Variants in ZNF600 observed in about 807,000 individuals in gnomAD.
ZNF600 encodes the protein zinc finger protein 600.
In ZNF600, 4 loss-of-function variants were observed where a neutral mutation model predicts 7.3. The observed-to-expected ratio is 0.55, with a 90% confidence interval of 0.27 to 1.25. ZNF600 has a LOEUF of 1.25. Ranked by LOEUF, ZNF600 falls within the 50% of genes most tolerant of loss-of-function variation. The pLI, the probability that ZNF600 is intolerant of heterozygous loss-of-function variation, is 0.12. For synonymous variants in ZNF600, 290 were observed against 308.9 expected, an observed-to-expected ratio of 0.94 and a Z score of 0.64; for missense variants, 911 against 922.1, an observed-to-expected ratio of 0.99 and a Z score of 0.16.
exon 4 of ZNF600, chr19:52,766,863 C>G (rs2062585315): frequency 1.2e-6 from 2 of 1,614,186 alleles, no homozygotes; most frequent in African/African-American, 2.7e-5. Flanking sequence ...AGGTTTCTCT[C>G]CAGTATGAAT....
chr19:52,799,310 G>T, the ZNF600 span: 1 of 440,090 alleles, frequency 2.3e-6, no homozygotes, highest in Non-Finnish European at 4.3e-6. Flanking sequence ...GTTTTGCCAG[G>T]TATGAATTAT....
exon 4 of ZNF600, chr19:52,767,260 C>T (rs146646314): frequency 4.0e-5 from 64 of 1,614,036 alleles, no homozygotes; most frequent in Non-Finnish European, 5.2e-5. Flanking sequence ...TTGCCACTCT[C>T]ATTACATTGG....
At chr19:52,800,204 T>C in the ZNF600 span, 1 of 1,613,658 alleles carries the variant, frequency 6.2e-7, no homozygotes, top group Non-Finnish European at 8.5e-7. Flanking sequence ...ACGGTTTCTC[T>C]GCAGTATGAA....
chr19:52,813,473 C>T, the ZNF600 span, among the ~76,000 whole-genome samples: 3 of 145,308 alleles, frequency 2.1e-5, no homozygotes, highest in East Asian at 2.0e-4. Flanking sequence ...CCAGGGTAGG[C>T]GGGCGGGGGT....
exon 4 of ZNF600, chr19:52,765,957 T>C: frequency 6.2e-7 from 1 of 1,614,238 alleles, no homozygotes; most frequent in Non-Finnish European, 8.5e-7. Context: ...AATTCTGGTA[T>C]GTCTTGCCAG....
chr19:52,822,729 CAG>C, the ZNF600 span, among the ~76,000 whole-genome samples: 1 of 152,136 alleles, frequency 6.6e-6, no homozygotes, highest in Non-Finnish European at 1.5e-5. Flanking sequence ...TAGCTTCATG[CAG>C]AGAGAGGGGA....
At chr19:52,810,240 A>G in the ZNF600 span, 4 of 1,203,006 alleles carry the variant, frequency 3.3e-6, no homozygotes, top group Non-Finnish European at 3.7e-6. Flanking sequence ...GAGGAATATG[A>G]GTCTACCTCC....
the ZNF600 span, among the ~76,000 whole-genome samples, chr19:52,820,549 G>A: frequency 0.053 from 7,694 of 144,040 alleles, 182 homozygotes; most frequent in African/African-American, 0.1. Flanking sequence ...CCTGGACCCA[G>A]TCTGGCACCC....
chr19:52,809,156 C>T, the ZNF600 span, among the ~76,000 whole-genome samples: 10 of 152,188 alleles, frequency 6.6e-5, no homozygotes, highest in Non-Finnish European at 1.3e-4. Flanking sequence ...CAGGGGGAAT[C>T]TTGTCAGATC....
At chr19:52,778,367 G>C (rs1215693610) in intron 2 of ZNF600, among the ~76,000 whole-genome samples, 1 of 151,664 alleles carries the variant, frequency 6.6e-6, no homozygotes, top group Non-Finnish European at 1.5e-5. Flanking sequence ...TGATCTACTA[G>C]TGTGGCTTCA....
chr19:52,818,662 G>A, the ZNF600 span, among the ~76,000 whole-genome samples: 1 of 151,946 alleles, frequency 6.6e-6, no homozygotes, highest in Non-Finnish European at 1.5e-5. Flanking sequence ...ACCCAAGATC[G>A]CGCCACTCCA....
chr19:52,816,966 CCT>C, the ZNF600 span, among the ~76,000 whole-genome samples: 1 of 151,964 alleles, frequency 6.6e-6, no homozygotes, highest in African/African-American at 2.4e-5. Flanking sequence ...ACCAAAAACA[CCT>C]GTTTCACAAG....
chr19:52,773,868 C>G (rs2062650589), intron 3 of ZNF600, among the ~76,000 whole-genome samples: 4 of 149,414 alleles, frequency 2.7e-5, no homozygotes, highest in Admixed American at 2.0e-4. Context: ...AATACTCCAT[C>G]TAAAAAAAAA....
the ZNF600 span, among the ~76,000 whole-genome samples, chr19:52,796,772 C>T: frequency 2.6e-5 from 4 of 152,292 alleles, no homozygotes; most frequent in South Asian, 4.1e-4. Flanking sequence ...CTGGTCTCAT[C>T]GCAAATTTGA....
At chr19:52,833,360 G>C in the ZNF600 span, among the ~76,000 whole-genome samples, 1 of 152,148 alleles carries the variant, frequency 6.6e-6, no homozygotes, top group East Asian at 1.9e-4. Flanking sequence ...CTCTTCTCAA[G>C]TTCATGTCAC....
exon 1 of ZNF600, chr19:52,786,669 AG>A: frequency 9.1e-6 from 2 of 219,594 alleles, no homozygotes; most frequent in Non-Finnish European, 2.1e-5. Flanking sequence ...CCCACGTCCC[AG>A]GGGCAGAAGC....
the ZNF600 span, chr19:52,800,772 T>A: frequency 6.2e-7 from 1 of 1,614,174 alleles, no homozygotes; most frequent in Non-Finnish European, 8.5e-7. Context: ...GCCACATTCA[T>A]TACACTTGTA....
At chr19:52,772,177 C>G (rs2062635301) in intron 3 of ZNF600, among the ~76,000 whole-genome samples, 2 of 151,934 alleles carry the variant, frequency 1.3e-5, no homozygotes, top group South Asian at 4.2e-4. Flanking sequence ...GCCAGACTTG[C>G]ACCAGGCATA....
At chr19:52,799,193 C>T in the ZNF600 span, 2 of 415,412 alleles carry the variant, frequency 4.8e-6, no homozygotes, top group Non-Finnish European at 9.3e-6. Flanking sequence ...TGTAGGGTTT[C>T]TCTCCAATAC....
Sources: gnomAD v4.1 joint callset for allele counts (sites outside exome capture counted in the v4.1 genomes callset) on GRCh38, gnomAD v4.1.1 for gene constraint, MANE v1.5 for transcripts, NCBI Gene and HGNC (gene_info 2026-07-23, HGNC 2026-07-21) for gene names.